Variants in ZFAND6 observed in about 807,000 individuals in gnomAD.
The protein encoded by ZFAND6 is zinc finger AN1-type containing 6.
A neutral mutation model predicts 24.5 loss-of-function variants in ZFAND6; 12 were observed. That is an observed-to-expected ratio of 0.49 (90% CI 0.31 to 0.79). The LOEUF is 0.79. Ranked by LOEUF, ZFAND6 falls within the 30% of genes least tolerant of loss-of-function variation. The pLI is 0.04. For missense variants in ZFAND6, 207 were observed against 245.9 expected, an observed-to-expected ratio of 0.84 and a Z score of 1.06; for synonymous variants, 92 against 81.5, an observed-to-expected ratio of 1.13 and a Z score of -0.69.
intron 1 of ZFAND6, among the ~76,000 whole-genome samples, chr15:80,087,355 G>A (rs2038067955): frequency 6.6e-6 from 1 of 152,166 alleles, no homozygotes; most frequent in Non-Finnish European, 1.5e-5. Flanking sequence ...CCATTTTAGT[G>A]GATGTGGAGT....
intron 5 of ZFAND6, among the ~76,000 whole-genome samples, chr15:80,124,495 A>G (rs773208157): frequency 6.6e-6 from 1 of 152,248 alleles, no homozygotes; most frequent in African/African-American, 2.4e-5. Context: ...AGAATACAAT[A>G]GTATTTACAG....
chr15:80,135,889 CA>C (rs2040837812), intron 6 of ZFAND6, among the ~76,000 whole-genome samples: 1 of 152,236 alleles, frequency 6.6e-6, no homozygotes, highest in South Asian at 2.1e-4. Context: ...ACTGGGAGGC[CA>C]AGGTGGGAGG....
chr15:80,127,670 G>A (rs12593701), intron 5 of ZFAND6, among the ~76,000 whole-genome samples: 5,118 of 150,446 alleles, frequency 0.034, 273 homozygotes, highest in East Asian at 0.22. Flanking sequence ...ACACCACTTC[G>A]TATCCACTAG....
At chr15:80,059,958 C>A (rs1233971107) in intron 1 of ZFAND6, 149 bp downstream of exon 1, 1 of 151,110 alleles carries the variant, frequency 6.6e-6, no homozygotes, top group Admixed American at 6.6e-5. Context: ...CCGGCCGGCG[C>A]AGCAGGTGGT....
intron 1 of ZFAND6, among the ~76,000 whole-genome samples, chr15:80,075,761 TG>T (rs981009081): frequency 1.2e-4 from 18 of 152,148 alleles, no homozygotes; most frequent in African/African-American, 4.3e-4. Flanking sequence ...TCTATGAACT[TG>T]TTTGACTAAA....
chr15:80,102,136 GTAGT>G (rs1387869608), intron 2 of ZFAND6, among the ~76,000 whole-genome samples: 1 of 150,864 alleles, frequency 6.6e-6, no homozygotes, highest in Non-Finnish European at 1.5e-5. Flanking sequence ...TTATTATAGT[GTAGT>G]TATTTTTATT....
intron 2 of ZFAND6, among the ~76,000 whole-genome samples, chr15:80,109,876 T>C: frequency 6.6e-6 from 1 of 152,226 alleles, no homozygotes; most frequent in East Asian, 1.9e-4. Flanking sequence ...ACACAGTTTC[T>C]GTTGGGAATA....
intron 1 of ZFAND6, among the ~76,000 whole-genome samples, chr15:80,076,250 C>T (rs1389258592): frequency 1.3e-5 from 2 of 152,152 alleles, no homozygotes; most frequent in African/African-American, 2.4e-5. Context: ...TTATCCAGCT[C>T]ACCAAAAGTC....
chr15:80,104,303 T>A (rs2039198013), intron 2 of ZFAND6, among the ~76,000 whole-genome samples: 1 of 152,132 alleles, frequency 6.6e-6, no homozygotes, highest in Non-Finnish European at 1.5e-5. Context: ...AAGTGGATCA[T>A]TTGAGGTCAG....
intron 5 of ZFAND6, among the ~76,000 whole-genome samples, chr15:80,125,744 G>A (rs1596311652): frequency 6.6e-6 from 1 of 152,088 alleles, no homozygotes; most frequent in East Asian, 1.9e-4. Flanking sequence ...GCTTAAATTT[G>A]GTCAACCTCT....
At chr15:80,121,375 C>T (rs1266887678) in intron 3 of ZFAND6, among the ~76,000 whole-genome samples, 1 of 152,190 alleles carries the variant, frequency 6.6e-6, no homozygotes, top group Non-Finnish European at 1.5e-5. Flanking sequence ...ATATTCTTCA[C>T]TGCTATGTCA....
intron 1 of ZFAND6, among the ~76,000 whole-genome samples, chr15:80,097,579 G>A (rs145712044): frequency 0.023 from 3,542 of 152,166 alleles, 70 homozygotes; most frequent in Non-Finnish European, 0.039. Context: ...AACCTGGGAG[G>A]CAGAGGTTGC....
intron 1 of ZFAND6, among the ~76,000 whole-genome samples, chr15:80,092,838 A>G (rs2038468301): frequency 6.6e-6 from 1 of 152,202 alleles, no homozygotes; most frequent in African/African-American, 2.4e-5. Context: ...AAAATGTTTC[A>G]AATGAATTAT....
At chr15:80,059,180 C>T (rs963444342), upstream of ZFAND6, among the ~76,000 whole-genome samples, 4 of 152,246 alleles carry the variant, frequency 2.6e-5, no homozygotes, top group African/African-American at 9.6e-5. Context: ...ACTGAGGCGC[C>T]GGCCTGCATG....
At chr15:80,081,136 GA>G (rs2037641582) in intron 1 of ZFAND6, among the ~76,000 whole-genome samples, 1 of 152,156 alleles carries the variant, frequency 6.6e-6, no homozygotes, top group African/African-American at 2.4e-5. Context: ...ACTTTTTGTA[GA>G]AAAAATTTAT....
chr15:80,087,836 T>TA (rs1365513296), intron 1 of ZFAND6, among the ~76,000 whole-genome samples: 1 of 152,200 alleles, frequency 6.6e-6, no homozygotes, highest in East Asian at 1.9e-4. Context: ...ATCATATTCT[T>TA]ACTTTCCTTG....
Position 80,065,537 on chromosome 15 carries a change from A to ATTTTTTTTTTTTT in ZFAND6, c.-181+5741_-181+5753dup, listed in dbSNP as rs149756891. On this transcript the variant is annotated intron_variant, in intron 1 of 6. Coordinates refer to ENST00000261749, the MANE Select transcript of ZFAND6 (RefSeq NM_019006.4). ...GGGCTTCAAATTAGTTTTGGTTTTG[A>ATTTTTTTTTTTTT]TTTTTTTTTTTTTTTTTTTTTTTTT... Among the ~76,000 whole-genome samples, 57 of 76,496 alleles carry ATTTTTTTTTTTTT rather than the reference A, an allele frequency of 7.5e-4. 1 individual carries two copies. Among genetic ancestry groups the ATTTTTTTTTTTTT allele is most frequent in the East Asian group, 2.5e-3 (6 of 2,448 alleles). 50.2% of individuals were successfully genotyped at this position (76,496 alleles called of 152,430 possible).
chr15:80,136,401 A>G (rs7175982), intron 6 of ZFAND6, among the ~76,000 whole-genome samples: 80,889 of 151,566 alleles, frequency 0.53, 23,529 homozygotes, highest in Non-Finnish European at 0.66. Context: ...GGAGGCGGAG[A>G]TTGTGGTGAG....
chr15:80,102,636 C>T (rs1219721946), intron 2 of ZFAND6, among the ~76,000 whole-genome samples: 2 of 152,158 alleles, frequency 1.3e-5, no homozygotes, highest in Non-Finnish European at 2.9e-5. Flanking sequence ...TAGAGTCTTT[C>T]AGGAAGGACT....
Sources: gnomAD v4.1 joint callset for allele counts (sites outside exome capture counted in the v4.1 genomes callset) on GRCh38, gnomAD v4.1.1 for gene constraint, MANE v1.5 for transcripts, NCBI Gene and HGNC (gene_info 2026-07-23, HGNC 2026-07-21) for gene names.